CENPP: variants seen among roughly 807,000 people sequenced by gnomAD.
CENPP encodes the protein centromere protein P.
CENPP carries 24 observed loss-of-function variants against 35.6 expected under a neutral mutation model. That is an observed-to-expected ratio of 0.67 (90% CI 0.49 to 0.95). The LOEUF is 0.95. Ranked by LOEUF, CENPP falls within the 40% of genes least tolerant of loss-of-function variation. The pLI is 0.00. For missense variants in CENPP, 332 were observed against 345.3 expected (o/e 0.96, Z 0.31); for synonymous variants, 120 against 125.5 (o/e 0.96, Z 0.29).
chr9:92,548,655 C>G (rs4744140), intron 5 of CENPP, among the ~76,000 whole-genome samples: 39,560 of 151,952 alleles, frequency 0.26, 7,506 homozygotes, highest in African/African-American at 0.53. Context: ...TAAAATATAT[C>G]AAGTAGTTAA....
chr9:92,442,992 A>G (rs1844460290), intron 5 of CENPP, among the ~76,000 whole-genome samples: 1 of 152,200 alleles, frequency 6.6e-6, no homozygotes, highest in Non-Finnish European at 1.5e-5. Flanking sequence ...CTTCTCCCCA[A>G]AAATTGAGAA....
intron 5 of CENPP, among the ~76,000 whole-genome samples, chr9:92,457,798 A>G (rs1844938880): frequency 6.6e-6 from 1 of 152,202 alleles, no homozygotes; most frequent in Non-Finnish European, 1.5e-5. Flanking sequence ...ACGTACATAC[A>G]TACATATATA....
intron 5 of CENPP, among the ~76,000 whole-genome samples, chr9:92,546,719 C>A (rs1849465571): frequency 6.6e-6 from 1 of 152,136 alleles, no homozygotes; most frequent in Non-Finnish European, 1.5e-5. Context: ...ACCAAGAACC[C>A]AGCAGTTCTG....
intron 5 of CENPP, among the ~76,000 whole-genome samples, chr9:92,586,514 A>G (rs570634361): frequency 3.3e-5 from 5 of 152,240 alleles, no homozygotes; most frequent in African/African-American, 9.6e-5. Context: ...AAAAAAGAGT[A>G]CAATATACGT....
chr9:92,603,369 A>C (rs533791234), intron 5 of CENPP, among the ~76,000 whole-genome samples: 8 of 152,338 alleles, frequency 5.3e-5, no homozygotes, highest in Non-Finnish European at 7.3e-5. Context: ...TCTTTCTGAA[A>C]TGAGGGCAGA....
intron 5 of CENPP, among the ~76,000 whole-genome samples, chr9:92,520,383 AGTT>A (rs1324437962): frequency 6.6e-6 from 1 of 152,218 alleles, no homozygotes; most frequent in African/African-American, 2.4e-5. Context: ...TAACATCATT[AGTT>A]GTTAGGGAAA....
chr9:92,552,147 TGATA>T (rs1457169438), intron 5 of CENPP, among the ~76,000 whole-genome samples: 2 of 144,366 alleles, frequency 1.4e-5, no homozygotes, highest in East Asian at 2.0e-4. Flanking sequence ...ATATGTGATA[TGATA>T]GATCTATCAT....
chr9:92,503,648 G>C (rs1035318129), intron 5 of CENPP, among the ~76,000 whole-genome samples: 1 of 152,184 alleles, frequency 6.6e-6, no homozygotes, highest in Non-Finnish European at 1.5e-5. Flanking sequence ...TTGTTCTCTT[G>C]TTAGAATTCA....
chr9:92,618,487 TG>T lies in CENPP; in HGVS notation c.*5339del, dbSNP rs1356110894. The T allele has an allele frequency of 4.4e-6, 2 of 456,586 alleles. No individual in the cohort carries two copies. The highest frequency in any genetic ancestry group is 3.2e-4 in the Middle Eastern group (1 of 3,098). The allele number at this position is 456,586 out of a possible 1,614,324, so 28.3% of individuals were successfully genotyped here. A position where few individuals can be genotyped will look rare whatever the true frequency, so the allele number is the denominator to read the frequency against. Reference sequence around the variant, plus strand: ...TTTCACAGCCCACCTAAGGGCACCCTGCATCCAAGCACATTTCCATTGCCCA... The same window carrying T: ...TTTCACAGCCCACCTAAGGGCACCCTCATCCAAGCACATTTCCATTGCCCA... On this transcript the variant is annotated 3_prime_UTR_variant, in exon 8 of 8. Transcript: ENST00000375587.
intron 5 of CENPP, among the ~76,000 whole-genome samples, chr9:92,491,887 TG>T (rs959519624): frequency 6.6e-6 from 1 of 152,162 alleles, no homozygotes; most frequent in Middle Eastern, 3.2e-3. Context: ...CTCATCGCCT[TG>T]AATCTGGTCT....
At chr9:92,385,940 C>T in intron 5 of CENPP, 1 of 715,214 alleles carries the variant, frequency 1.4e-6, no homozygotes, top group Non-Finnish European at 2.3e-6. Flanking sequence ...CTCAAATGTA[C>T]ACCTGGAGAC....
chr9:92,359,579 C>T (rs1379071408), intron 4 of CENPP, among the ~76,000 whole-genome samples: 1 of 152,048 alleles, frequency 6.6e-6, no homozygotes, highest in Admixed American at 6.6e-5. Context: ...TTGTTCGGCT[C>T]TTAGAAAGGG....
intron 3 of CENPP, among the ~76,000 whole-genome samples, chr9:92,338,316 A>C (rs1564266015): frequency 7.1e-6 from 1 of 140,230 alleles, no homozygotes; most frequent in Non-Finnish European, 1.6e-5. Flanking sequence ...TGTCACACAC[A>C]AAAAAAAAAC....
At chr9:92,469,702 A>G (rs1174308667) in intron 5 of CENPP, among the ~76,000 whole-genome samples, 1 of 152,164 alleles carries the variant, frequency 6.6e-6, no homozygotes, top group East Asian at 1.9e-4. Flanking sequence ...ACCTCAGATG[A>G]TACAGAACCA....
At chr9:92,497,919 T>C (rs1846449017) in intron 5 of CENPP, among the ~76,000 whole-genome samples, 1 of 151,784 alleles carries the variant, frequency 6.6e-6, no homozygotes, top group Non-Finnish European at 1.5e-5. Context: ...CCCATTCTTT[T>C]TTGCCTCCTC....
At chr9:92,363,630 T>C (rs1036367827) in intron 4 of CENPP, among the ~76,000 whole-genome samples, 3 of 152,212 alleles carry the variant, frequency 2.0e-5, no homozygotes, top group African/African-American at 7.2e-5. Flanking sequence ...GTTGTTAAGC[T>C]ACACATGACT....
intron 5 of CENPP, among the ~76,000 whole-genome samples, chr9:92,444,958 C>T (rs1844514486): frequency 6.6e-6 from 1 of 152,216 alleles, no homozygotes; most frequent in East Asian, 1.9e-4. Flanking sequence ...GTGGTCCAGT[C>T]GGACCAGCCC....
At chr9:92,394,845 G>A (rs1048261053) in intron 5 of CENPP, among the ~76,000 whole-genome samples, 7 of 151,990 alleles carry the variant, frequency 4.6e-5, no homozygotes, top group Non-Finnish European at 8.8e-5. Flanking sequence ...GACCTCAGGT[G>A]ATCTGCCCGC....
intron 5 of CENPP, chr9:92,505,736 A>G (rs375363050): frequency 7.5e-6 from 11 of 1,467,956 alleles, no homozygotes; most frequent in Non-Finnish European, 1.0e-5. Context: ...TTGAAAAACC[A>G]TGCAAATTTT....
Sources: gnomAD v4.1 joint callset for allele counts (sites outside exome capture counted in the v4.1 genomes callset) on GRCh38, gnomAD v4.1.1 for gene constraint, MANE v1.5 for transcripts, NCBI Gene and HGNC (gene_info 2026-07-23, HGNC 2026-07-21) for gene names.